The following CTIF variants were observed in gnomAD, a reference collection of about 807,000 sequenced individuals.
CTIF encodes the protein cap binding complex dependent translation initiation factor, also known as CBP80/20-dependent translation initiation factor.
A neutral mutation model predicts 66.0 loss-of-function variants in CTIF; 21 were observed. That is an observed-to-expected ratio of 0.32 (90% CI 0.23 to 0.46). The LOEUF (loss-of-function observed/expected upper bound fraction) is 0.46, where lower values mean the gene tolerates loss of function less well. CTIF is among the 20% of genes least tolerant of loss of function. The pLI is 1.00. For synonymous variants in CTIF, 345 were observed against 326.4 expected (o/e 1.06, Z -0.62); for missense variants, 739 against 812.7 (o/e 0.91, Z 1.10).
rs144667081 is a variant in CTIF at position 48,635,707 on chromosome 18, C to A, written c.181-907C>A. 2.0e-4 allele frequency among the ~76,000 whole-genome samples: 31 copies of A among 152,220 alleles called. No individual in the cohort carries two copies. In the East Asian group the frequency reaches 6.0e-3, roughly 29 times the overall value. Reference sequence around the variant, plus strand: ...TCCGGAGGCTACCTAATGTTTAATACAATAGTAAAAACACTATCATATACC... The same window carrying A: ...TCCGGAGGCTACCTAATGTTTAATAAAATAGTAAAAACACTATCATATACC... On this transcript the variant is annotated intron_variant, in intron 2 of 11. Coordinates refer to ENST00000256413, the MANE Select transcript of CTIF (RefSeq NM_014772.3).
At chr18:48,855,906 A>G (rs1037787373) in intron 10 of CTIF, among the ~76,000 whole-genome samples, 4 of 152,190 alleles carry the variant, frequency 2.6e-5, no homozygotes, top group Admixed American at 1.3e-4. Context: ...AAGATGATAA[A>G]GCCATAGTGT....
In CTIF at chr18:48,753,590, T is replaced by A. The variant is rs1268722470; in HGVS notation, c.585-4329T>A. Among the ~76,000 whole-genome samples the A allele has an allele frequency of 2.0e-5, 3 of 149,704 alleles. No individual in the cohort carries two copies. The East Asian group carries it at 5.8e-4, about 29-fold the overall frequency. ...CGATGGAAAAAGCATAAACCGACAATTTCCATTCTCCAAAAAAAAAAAGCA... is the reference window on the plus strand; with the variant it reads ...CGATGGAAAAAGCATAAACCGACAAATTCCATTCTCCAAAAAAAAAAAGCA... On this transcript the variant is annotated intron_variant, in intron 7 of 11. Coordinates refer to ENST00000256413, the MANE Select transcript of CTIF (RefSeq NM_014772.3).
chr18:48,730,747 C>CTGAGGTGTGAGGGG (rs2092449226), intron 7 of CTIF, among the ~76,000 whole-genome samples: 1 of 145,702 alleles, frequency 6.9e-6, no homozygotes, highest in Non-Finnish European at 1.5e-5. Flanking sequence ...TGAGGAGCCC[C>CTGAGGTGTGAGGGG]CGCAGCTTGA....
At chr18:48,676,745 G>A (rs1252719442) in intron 6 of CTIF, among the ~76,000 whole-genome samples, 1 of 151,950 alleles carries the variant, frequency 6.6e-6, no homozygotes, top group Non-Finnish European at 1.5e-5. Flanking sequence ...CCTTCACACG[G>A]GAGATGGCTA....
At chr18:48,732,557 G>T (rs9951830) in intron 7 of CTIF, among the ~76,000 whole-genome samples, 5 of 152,226 alleles carry the variant, frequency 3.3e-5, no homozygotes, top group African/African-American at 9.6e-5. Flanking sequence ...TTCTATGGGA[G>T]CCACAGCTTG....
intron 1 of CTIF, among the ~76,000 whole-genome samples, chr18:48,576,287 C>T (rs918659378): frequency 5.3e-5 from 8 of 152,230 alleles, no homozygotes; most frequent in South Asian, 2.1e-4. Flanking sequence ...CACTCAGTGT[C>T]GCGTGATGTG....
At chr18:48,771,006 C>A (rs949524089) in intron 9 of CTIF, among the ~76,000 whole-genome samples, 1 of 152,032 alleles carries the variant, frequency 6.6e-6, no homozygotes, top group African/African-American at 2.4e-5. Flanking sequence ...CCCCCCCCTA[C>A]GCTGATTAAA....
At chr18:48,847,247 G>A (rs1250970657) in intron 10 of CTIF, among the ~76,000 whole-genome samples, 1 of 148,544 alleles carries the variant, frequency 6.7e-6, no homozygotes, top group African/African-American at 2.5e-5. Flanking sequence ...AGCAGAGGTT[G>A]CAGTGAGCCG....
rs569062218 is a variant in CTIF at position 48,781,259 on chromosome 18, G to A, written c.1371+19570G>A. On this transcript the variant is annotated intron_variant, in intron 9 of 11. Transcript: ENST00000256413. ...GTGTGTGCAGACAAAGCCGTGCGCC[G>A]CAGCGGGGGCCGGGCCTGCAGAAGG... is the stretch of plus-strand genomic sequence containing the variant. Among the ~76,000 whole-genome samples the A allele has an allele frequency of 1.1e-4, 16 of 152,356 alleles. No individual in the cohort carries two copies. In the East Asian group the frequency reaches 1.7e-3, roughly 17 times the overall value.
chr18:48,826,424 C>T, intron 10 of CTIF: 1 of 152,300 alleles, frequency 6.6e-6, no homozygotes, highest in East Asian at 1.9e-4. Flanking sequence ...GCATTCCTCC[C>T]ACCATGAGAA....
chr18:48,558,749 G>A (rs1045106144), intron 1 of CTIF, among the ~76,000 whole-genome samples: 4 of 152,170 alleles, frequency 2.6e-5, no homozygotes, highest in African/African-American at 9.7e-5. Flanking sequence ...GCTGGCACCT[G>A]AAAAACATCA....
intron 9 of CTIF, among the ~76,000 whole-genome samples, chr18:48,803,422 C>T (rs1032410013): frequency 6.6e-6 from 1 of 152,146 alleles, no homozygotes; most frequent in Admixed American, 6.5e-5. Context: ...CAAGATAATC[C>T]TCATCATATC....
intron 10 of CTIF, among the ~76,000 whole-genome samples, chr18:48,849,308 C>A (rs576454237): frequency 6.7e-6 from 1 of 150,098 alleles, no homozygotes; most frequent in African/African-American, 2.5e-5. Context: ...AGCGATTCTC[C>A]TGCCTCAGCA....
At chr18:48,774,815 T>C (rs1910514098) in intron 9 of CTIF, among the ~76,000 whole-genome samples, 1 of 152,126 alleles carries the variant, frequency 6.6e-6, no homozygotes. Flanking sequence ...TTAGGAGGTA[T>C]TTGGGGAAAG....
At chr18:48,821,315 G>A (rs569396360) in intron 10 of CTIF, among the ~76,000 whole-genome samples, 11 of 152,340 alleles carry the variant, frequency 7.2e-5, no homozygotes, top group East Asian at 5.8e-4. Context: ...CATCTCAATC[G>A]AGTGCCTCGT....
intron 10 of CTIF, among the ~76,000 whole-genome samples, chr18:48,821,445 A>G (rs1357460257): frequency 6.6e-6 from 1 of 152,276 alleles, no homozygotes; most frequent in East Asian, 1.9e-4. Flanking sequence ...CGGTAGAATC[A>G]GTCCTGGAAT....
chr18:48,570,269 A>G (rs896584603), intron 1 of CTIF, among the ~76,000 whole-genome samples: 1 of 152,230 alleles, frequency 6.6e-6, no homozygotes, highest in Non-Finnish European at 1.5e-5. Flanking sequence ...GTAAAAGCCA[A>G]CAGTGATTAG....
intron 1 of CTIF, among the ~76,000 whole-genome samples, chr18:48,547,943 G>A (rs1014799466): frequency 1.3e-5 from 2 of 152,192 alleles, no homozygotes; most frequent in African/African-American, 4.8e-5. Context: ...ATACATTTCA[G>A]CTTATAAGTA....
intron 7 of CTIF, among the ~76,000 whole-genome samples, chr18:48,729,839 G>C (rs2145637197): frequency 6.6e-6 from 1 of 152,334 alleles, no homozygotes; most frequent in African/African-American, 2.4e-5. Flanking sequence ...ATTTTGGCAG[G>C]CATGAGGAAA....
Sources: gnomAD v4.1 joint callset for allele counts (sites outside exome capture counted in the v4.1 genomes callset) on GRCh38, gnomAD v4.1.1 for gene constraint, MANE v1.5 for transcripts, NCBI Gene and HGNC (gene_info 2026-07-23, HGNC 2026-07-21) for gene names.